The following SGCZ variants were observed in gnomAD, a reference collection of about 807,000 sequenced individuals.
The protein encoded by SGCZ is sarcoglycan zeta.
SGCZ carries 40 observed loss-of-function variants against 41.3 expected under a neutral mutation model. The observed-to-expected ratio is 0.97, with a 90% CI of 0.75 to 1.26. SGCZ has a LOEUF of 1.26. Ranked by LOEUF, SGCZ falls within the 50% of genes most tolerant of loss-of-function variation. The pLI is 0.00. For synonymous variants in SGCZ, 206 were observed against 137.5 expected (o/e 1.50, Z -3.49); for missense variants, 552 against 369.8 (o/e 1.49, Z -4.04).
intron 1 of SGCZ, among the ~76,000 whole-genome samples, chr8:15,073,659 A>G (rs748783213): frequency 1.3e-5 from 2 of 152,160 alleles, no homozygotes; most frequent in Non-Finnish European, 2.9e-5. Flanking sequence ...CTGAAGATCA[A>G]AGAATATGAC....
intron 1 of SGCZ, among the ~76,000 whole-genome samples, chr8:14,735,608 A>C (rs969396500): frequency 2.0e-5 from 3 of 152,132 alleles, no homozygotes; most frequent in African/African-American, 7.2e-5. Context: ...CTGAGCCACT[A>C]ATGGCCTCCT....
At chr8:14,412,678 A>G (rs67483193) in intron 2 of SGCZ, among the ~76,000 whole-genome samples, 47,415 of 151,802 alleles carry the variant, frequency 0.31, 7,490 homozygotes, top group Admixed American at 0.35. Context: ...AGGAATTACA[A>G]CCAACCATGG....
chr8:14,785,631 G>C (rs1404184852), intron 1 of SGCZ, among the ~76,000 whole-genome samples: 6 of 152,088 alleles, frequency 3.9e-5, no homozygotes, highest in African/African-American at 1.4e-4. Flanking sequence ...ACAATGTTCT[G>C]ACCATTTTTG....
chr8:15,119,558 C>T (rs1807400539), intron 1 of SGCZ, among the ~76,000 whole-genome samples: 1 of 151,708 alleles, frequency 6.6e-6, no homozygotes, highest in African/African-American at 2.4e-5. Flanking sequence ...AAAAACCCTC[C>T]TAATTTTCTA....
At chr8:14,992,106 C>A (rs1802034274) in intron 1 of SGCZ, among the ~76,000 whole-genome samples, 2 of 149,840 alleles carry the variant, frequency 1.3e-5, no homozygotes, top group East Asian at 2.0e-4. Flanking sequence ...AATCTACTCC[C>A]AAATCTATTC....
At chr8:14,105,805 A>G (rs990219212) in intron 6 of SGCZ, among the ~76,000 whole-genome samples, 2 of 152,160 alleles carry the variant, frequency 1.3e-5, no homozygotes, top group Admixed American at 6.5e-5. Context: ...TGTCAGCAAG[A>G]TAATTAAAAT....
chr8:14,400,247 A>C (rs1799034607), intron 2 of SGCZ, among the ~76,000 whole-genome samples: 1 of 152,034 alleles, frequency 6.6e-6, no homozygotes, highest in Non-Finnish European at 1.5e-5. Flanking sequence ...AGCAGATTTT[A>C]TTTATCCATT....
intron 1 of SGCZ, among the ~76,000 whole-genome samples, chr8:14,710,440 G>A (rs1305534257): frequency 6.6e-6 from 1 of 151,272 alleles, no homozygotes; most frequent in African/African-American, 2.4e-5. Flanking sequence ...CAATTCAATG[G>A]AGCAATTAAA....
chr8:14,504,802 T>G (rs1342697309), intron 2 of SGCZ, among the ~76,000 whole-genome samples: 2 of 152,154 alleles, frequency 1.3e-5, no homozygotes, highest in Non-Finnish European at 2.9e-5. Context: ...AACCTTTTTG[T>G]GATTTATATC....
intron 3 of SGCZ, among the ~76,000 whole-genome samples, chr8:14,288,458 G>A (rs527962563): frequency 6.6e-6 from 1 of 151,928 alleles, no homozygotes; most frequent in African/African-American, 2.4e-5. Context: ...CTCGGCCACT[G>A]GTAACCTCTA....
chr8:14,274,632 T>C (rs1286635321), intron 3 of SGCZ, among the ~76,000 whole-genome samples: 1 of 152,180 alleles, frequency 6.6e-6, no homozygotes, highest in African/African-American at 2.4e-5. Flanking sequence ...TACGAGCTTA[T>C]GGTAAGTGAC....
intron 1 of SGCZ, among the ~76,000 whole-genome samples, chr8:14,780,682 C>A (rs919082845): frequency 4.5e-4 from 69 of 152,132 alleles, no homozygotes; most frequent in Middle Eastern, 6.8e-3. Flanking sequence ...CAGATTTAAG[C>A]TATTAAAAAA....
intron 1 of SGCZ, among the ~76,000 whole-genome samples, chr8:15,201,494 T>C (rs1474305384): frequency 6.6e-6 from 1 of 152,232 alleles, no homozygotes; most frequent in Non-Finnish European, 1.5e-5. Context: ...TGGAGAAATT[T>C]AAGTCATCAG....
chr8:14,977,613 G>A (rs1018657783), intron 1 of SGCZ, among the ~76,000 whole-genome samples: 2 of 151,866 alleles, frequency 1.3e-5, no homozygotes, highest in African/African-American at 4.8e-5. Flanking sequence ...TTAGAATACA[G>A]GAAAATAAAG....
At chr8:14,810,653 C>G (rs970492423) in intron 1 of SGCZ, among the ~76,000 whole-genome samples, 1 of 151,998 alleles carries the variant, frequency 6.6e-6, no homozygotes, top group Non-Finnish European at 1.5e-5. Context: ...TGGCTACAAT[C>G]AGCAAGAGAG....
At chr8:14,368,750 G>A (rs1469939238) in intron 2 of SGCZ, among the ~76,000 whole-genome samples, 1 of 151,988 alleles carries the variant, frequency 6.6e-6, no homozygotes, top group Non-Finnish European at 1.5e-5. Flanking sequence ...TCTGAGCACT[G>A]TGTTGGCTGC....
intron 5 of SGCZ, among the ~76,000 whole-genome samples, chr8:14,118,895 G>C (rs1016277300): frequency 3.3e-5 from 5 of 152,148 alleles, no homozygotes; most frequent in Admixed American, 6.6e-5. Flanking sequence ...TATTTCCGAA[G>C]TTTCTGTTCC....
At chr8:14,972,949 G>A (rs1801350284) in intron 1 of SGCZ, among the ~76,000 whole-genome samples, 1 of 152,124 alleles carries the variant, frequency 6.6e-6, no homozygotes, top group African/African-American at 2.4e-5. Flanking sequence ...CCTTTGTGTA[G>A]TTACATATTT....
intron 1 of SGCZ, among the ~76,000 whole-genome samples, chr8:15,102,162 T>A (rs1273304022): frequency 6.6e-6 from 1 of 152,182 alleles, no homozygotes; most frequent in Non-Finnish European, 1.5e-5. Flanking sequence ...ACAACCAAGG[T>A]GTCCTTCAGT....
Sources: gnomAD v4.1 joint callset for allele counts (sites outside exome capture counted in the v4.1 genomes callset) on GRCh38, gnomAD v4.1.1 for gene constraint, MANE v1.5 for transcripts, NCBI Gene and HGNC (gene_info 2026-07-23, HGNC 2026-07-21) for gene names.